The following TBC1D20 variants were observed in gnomAD, a reference collection of about 807,000 sequenced individuals.
TBC1D20 encodes the protein TBC1 domain family member 20.
TBC1D20 carries 12 observed loss-of-function variants against 41.6 expected under a neutral mutation model. The ratio of observed to expected loss-of-function variants is 0.29; its 90% CI spans 0.18 to 0.47. The LOEUF (loss-of-function observed/expected upper bound fraction) is 0.47, where lower values mean the gene tolerates loss of function less well. TBC1D20 is among the 20% of genes least tolerant of loss of function. The probability of loss-of-function intolerance (pLI) is 1.00; values close to 1 mark genes in which losing one functional copy is unlikely to be tolerated. For missense variants in TBC1D20, 421 were observed against 517.4 expected, an observed-to-expected ratio of 0.81 and a Z score of 1.81; for synonymous variants, 205 against 204.8, an observed-to-expected ratio of 1.00 and a Z score of -0.01.
intron 3 of TBC1D20, among the ~76,000 whole-genome samples, chr20:444,243 G>T (rs1330323592): frequency 6.6e-6 from 1 of 152,188 alleles, no homozygotes; most frequent in East Asian, 1.9e-4. Flanking sequence ...ACGCTGGCAG[G>T]CTACTGCTAC....
intron 3 of TBC1D20, among the ~76,000 whole-genome samples, chr20:443,788 A>G (rs954292705): frequency 6.6e-6 from 1 of 152,170 alleles, no homozygotes; most frequent in African/African-American, 2.4e-5. Context: ...TATCACAGAT[A>G]TTACATCAAT....
intron 1 of TBC1D20, among the ~76,000 whole-genome samples, chr20:456,089 C>CT (rs2017535067): frequency 1.3e-5 from 2 of 152,242 alleles, no homozygotes; most frequent in South Asian, 4.2e-4. Flanking sequence ...AGCAACCAGC[C>CT]TGCACAACAT....
chr20:439,211 C>G lies in TBC1D20; in HGVS notation c.853G>C (p.Asp285His). 6.2e-7 allele frequency: 1 copy of G among 1,614,202 alleles called. No individual in the cohort carries two copies. The highest frequency in any genetic ancestry group is 8.5e-7 in the Non-Finnish European group (1 of 1,180,022). ...CTGATCAGTGTCTCATAGGGCAAGTCCTGAGGGATCTGGGACAACAGGTGG... is the reference window on the plus strand; with the variant it reads ...CTGATCAGTGTCTCATAGGGCAAGTGCTGAGGGATCTGGGACAACAGGTGG... ...VHHLLSQIPQ[D>H]LPYETLISRA... Residue 285 changes from aspartate to histidine, a missense_variant, in exon 7 of 8, where the codon GAC (aspartate) becomes CAC (histidine). Around this residue, in one of 3 missense-constraint regions of TBC1D20, gnomAD observed 161 missense variants for 182.7 expected, o/e 0.88. Transcript: ENST00000354200. The surrounding 1 kb of genome is among the most constrained non-coding windows in gnomAD (Gnocchi z 4.6).
At chr20:457,692 A>G (rs1326656489) in intron 1 of TBC1D20, among the ~76,000 whole-genome samples, 2 of 152,230 alleles carry the variant, frequency 1.3e-5, no homozygotes, top group African/African-American at 4.8e-5. Flanking sequence ...GAACAGAAGC[A>G]GGTAGCACCG....
At chr20:444,525 G>C (rs67513606) in intron 3 of TBC1D20, among the ~76,000 whole-genome samples, 9,749 of 152,062 alleles carry the variant, frequency 0.064, 378 homozygotes, top group African/African-American at 0.11. Context: ...CTGAAATAAA[G>C]AGGTAATTTT....
At position 447,977 on chromosome 20, in the gene TBC1D20, A is replaced by G; in HGVS notation, c.168T>C (p.Ser56=). ...DVAALRRMAI[S]EGGLLTDEIR... ...TCTCATCAGTCAGGAGCCCTCCTTC[A>G]CTGATAGCCATGCGTCTAAGGGCAG... Residue 56 remains serine (S), a synonymous_variant, in exon 2 of 8, where the codon AGT becomes AGC. Transcript: ENST00000354200. The G allele has an allele frequency of 6.2e-7, 1 of 1,614,122 alleles. No homozygotes were observed. The highest frequency in any genetic ancestry group is 1.7e-5 in the Admixed American group (1 of 60,016).
intron 1 of TBC1D20, among the ~76,000 whole-genome samples, chr20:453,077 C>T (rs866601102): frequency 4.4e-5 from 6 of 135,620 alleles, no homozygotes; most frequent in East Asian, 2.5e-4. Flanking sequence ...ACCCAGGGGG[C>T]GGAGATTGAG....
intron 5 of TBC1D20, 66 bp from the exon 6 acceptor site, chr20:440,455 T>C (rs1159136717): frequency 9.5e-6 from 15 of 1,575,768 alleles, no homozygotes; most frequent in East Asian, 9.0e-5. Flanking sequence ...CTGGGCCTTA[T>C]AGCGCTGGTG....
At chr20:457,752 T>TC (rs1477807384) in intron 1 of TBC1D20, among the ~76,000 whole-genome samples, 1 of 152,206 alleles carries the variant, frequency 6.6e-6, no homozygotes, top group Non-Finnish European at 1.5e-5. Context: ...TCTGGGTTTA[T>TC]CCTGTACTCA....
At chr20:450,907 GA>G (rs1428435807) in intron 1 of TBC1D20, 1 of 152,246 alleles carries the variant, frequency 6.6e-6, no homozygotes, top group Admixed American at 6.5e-5. Flanking sequence ...AAAAGGCTCT[GA>G]AAGTTTGCAT....
At chr20:460,348 CT>C (rs1361543805) in intron 1 of TBC1D20, among the ~76,000 whole-genome samples, 1 of 151,076 alleles carries the variant, frequency 6.6e-6, no homozygotes, top group East Asian at 1.9e-4. Flanking sequence ...GGGAGGAGCA[CT>C]TAAGTCCAGG....
chr20:441,958 G>T lies in TBC1D20; in HGVS notation c.423C>A (p.His141Gln). 6.2e-7 allele frequency: 1 copy of T among 1,614,096 alleles called. No homozygotes were observed. The highest frequency in any genetic ancestry group is 8.5e-7 in the Non-Finnish European group (1 of 1,180,012). ...LLILERNPQL[H>Q]YYQGYHDIVV... ...CAATGTCATGGTAGCCCTGGTAGTA[G>T]TGCAGCTGAGGGTTGCGCTCCAAGA... The change falls in exon 4 of 8, where the codon CAC becomes CAA. Residue 141 changes from histidine (H) to glutamine (Q), a missense_variant. Physicochemically the swap from His to Gln is conservative, Grantham distance 24. Transcript: ENST00000354200.
In TBC1D20 at chr20:462,062, G is replaced by C. The variant is rs1273058299; in HGVS notation, c.70+274C>G. 3.3e-5 allele frequency among the ~76,000 whole-genome samples: 5 copies of C among 152,332 alleles called. No homozygotes were observed. In the South Asian group the frequency reaches 6.2e-4, roughly 19 times the overall value. ...TCCTCTCCAGATGGAAGAAAGCCGG[G>C]GCGCGAAGCCGCCGCCCGCTCTTCT... On this transcript the variant is annotated intron_variant, in intron 1 of 7. Transcript: ENST00000354200.
Position 436,708 on chromosome 20 carries a change from T to G in TBC1D20, c.*1878A>C, listed in dbSNP as rs979344478. On this transcript the variant is annotated 3_prime_UTR_variant, in exon 8 of 8. Coordinates refer to ENST00000354200, the MANE Select transcript of TBC1D20 (RefSeq NM_144628.4). Reference sequence around the variant, plus strand: ...ACCTCTGGAAGAATTTCCTTTGCCCTGATGAATACACCACTGTCTAAATTA... The same window carrying G: ...ACCTCTGGAAGAATTTCCTTTGCCCGGATGAATACACCACTGTCTAAATTA... The G allele has an allele frequency of 6.5e-6, 1 of 153,758 alleles. No individual in the cohort carries two copies. Among genetic ancestry groups the G allele is most frequent in the African/African-American group, 2.4e-5 (1 of 41,444 alleles). 9.5% of individuals were successfully genotyped at this position (153,758 alleles called of 1,614,324 possible).
intron 1 of TBC1D20, among the ~76,000 whole-genome samples, chr20:459,281 AT>A (rs1222078768): frequency 6.6e-6 from 1 of 152,216 alleles, no homozygotes; most frequent in Non-Finnish European, 1.5e-5. Context: ...AACTTTATAG[AT>A]TTAGAGCAGG....
chr20:462,258 GCGC>G, intron 1 of TBC1D20, 75 bp downstream of exon 1: 1 of 1,065,944 alleles, frequency 9.4e-7, no homozygotes, highest in Non-Finnish European at 1.2e-6. Context: ...CGCCCCTCCG[GCGC>G]CGCCTCCGCC....
chr20:438,748 C>A lies in TBC1D20; in HGVS notation c.1050G>T (p.Arg350=), dbSNP rs1568574217. The part of the protein sequence containing the change: ...VLRQRFRGLL[R]PEDRTKDVLT... Reference sequence around the variant, plus strand: ...GGACATCTTTTGTTCGATCTTCAGGCCGCAGAAGTCCCCGAAACCGCTGCC... The same window carrying A: ...GGACATCTTTTGTTCGATCTTCAGGACGCAGAAGTCCCCGAAACCGCTGCC... Residue 350 remains arginine, a synonymous_variant, in exon 8 of 8, where the codon CGG becomes CGT. Transcript: ENST00000354200. 2 of 1,614,224 alleles carry A rather than the reference C, an allele frequency of 1.2e-6. No individual in the cohort carries two copies. Among genetic ancestry groups the A allele is most frequent in the South Asian group, 1.1e-5 (1 of 91,088 alleles).
rs141049711 is a variant in TBC1D20 at position 449,335 on chromosome 20, G to T, written c.71-1261C>A. On this transcript the variant is annotated intron_variant, in intron 1 of 7. Transcript: ENST00000354200. ...AGTGAGGCTGGGCACGGTGGCTCAT[G>T]CCTGTAATCCCAGCACTTTGGGAGG... Among the ~76,000 whole-genome samples the T allele has an allele frequency of 6.1e-3, 913 of 148,586 alleles. 24 individuals carry two copies. The East Asian group carries it at 0.085, about 14-fold the overall frequency.
rs546560250 is a variant in TBC1D20, at chr20:450,347, T to C, written c.71-2273A>G. Among the ~76,000 whole-genome samples the C allele has an allele frequency of 4.2e-3, 638 of 151,816 alleles. 6 individuals carry two copies. Among genetic ancestry groups the C allele is most frequent in the African/African-American group, 0.015 (606 of 41,402 alleles). On this transcript the variant is annotated intron_variant, in intron 1 of 7. Transcript: ENST00000354200. The stretch of plus-strand genomic sequence containing the variant: ...TTTTTTTTTAGACAGGGTTTCACCA[T>C]GTTGGCCAGGCTGGTCTCGAACTCC...
Sources: gnomAD v4.1 joint callset for allele counts (sites outside exome capture counted in the v4.1 genomes callset) on GRCh38, gnomAD v4.1.1 for gene constraint, gnomAD v4.1.1 regional missense constraint, Gnocchi (gnomAD v3.1) non-coding constraint, MANE v1.5 for transcripts, NCBI Gene and HGNC (gene_info 2026-07-23, HGNC 2026-07-21) for gene names.